The following SLC9A6 variants were observed in gnomAD, a reference collection of about 807,000 sequenced individuals.
SLC9A6 encodes sodium/hydrogen exchanger 6.
Under a neutral mutation model 45.3 loss-of-function variants are expected in SLC9A6, and 6 were observed. The ratio of observed to expected loss-of-function variants is 0.13; its 90% CI spans 0.07 to 0.26. The LOEUF is 0.26. Ranked by LOEUF, SLC9A6 falls within the 10% of genes least tolerant of loss-of-function variation. The probability of loss-of-function intolerance (pLI) is 1.00; values close to 1 mark genes in which losing one functional copy is unlikely to be tolerated. For synonymous variants in SLC9A6, 191 were observed against 187.7 expected (o/e 1.02, Z -0.14); for missense variants, 278 against 503.7 (o/e 0.55, Z 4.29).
In SLC9A6 at chrX:136,002,224, G is replaced by C. The variant is rs1556617460; in HGVS notation, c.743+11G>C. ...CATAGTGCTGTCCTCGTAAGTGTTT[G>C]TTTTCTTATTATATTCTGAATATTA... is the stretch of plus-strand genomic sequence containing the variant. On this transcript the variant is annotated intron_variant, in intron 7 of 17. Coordinates refer to ENST00000630721, the MANE Select transcript of SLC9A6 (RefSeq NM_001379110.1). 9.2e-7 allele frequency: 1 copy of C among 1,089,149 alleles called. No homozygotes were observed. The highest frequency in any genetic ancestry group is 1.8e-5 in the African/African-American group (1 of 55,033). 89.8% of individuals were successfully genotyped at this position (1,089,149 alleles called of 1,213,427 possible).
chrX:136,013,566 C>T lies in SLC9A6; in HGVS notation c.1080+129C>T, dbSNP rs2070964118. The T allele has an allele frequency of 6.6e-6, 3 of 457,994 alleles. No individual in the cohort carries two copies. In the African/African-American group the frequency reaches 7.4e-5, roughly 11 times the overall value. The allele number at this position is 457,994 out of a possible 1,213,427, so 37.7% of individuals were successfully genotyped here. On this transcript the variant is annotated intron_variant, in intron 10 of 17. Coordinates refer to ENST00000630721, the MANE Select transcript of SLC9A6 (RefSeq NM_001379110.1). ...CTATCTACTCATTTTGGCTCCTCTT[C>T]CTTTGACTCTAAAAGTAGGTGGGAT...
chrX:135,989,753 C>T (rs1312909808), intron 2 of SLC9A6, among the ~76,000 whole-genome samples: 1 of 111,875 alleles, frequency 8.9e-6, no homozygotes, highest in African/African-American at 3.2e-5. Context: ...AAACCAGTCA[C>T]TGCCAACTGG....
chrX:136,041,129 A>G (rs1556622543), intron 17 of SLC9A6, among the ~76,000 whole-genome samples: 1 of 111,789 alleles, frequency 8.9e-6, no homozygotes, highest in Admixed American at 9.5e-5. Flanking sequence ...AAAGAAAAAA[A>G]AAAGAAAAAG....
chrX:135,980,949 C>G (rs1299665061), upstream of SLC9A6, among the ~76,000 whole-genome samples: 2 of 111,885 alleles, frequency 1.8e-5, no homozygotes, highest in African/African-American at 6.5e-5. Flanking sequence ...AAATAAATGC[C>G]TAGTTCCTGC....
chrX:136,013,335 T>C lies in SLC9A6; in HGVS notation c.992-14T>C. The C allele has an allele frequency of 8.5e-7, 1 of 1,173,449 alleles. No homozygotes were observed. The highest frequency in any genetic ancestry group is 1.2e-6 in the Non-Finnish European group (1 of 860,885). ...CATCCTTTTATGTGAACTTGGAATTTGTTGTCTTTATAGGTGTAGTTGCAG... is the reference window on the plus strand; with the variant it reads ...CATCCTTTTATGTGAACTTGGAATTCGTTGTCTTTATAGGTGTAGTTGCAG... On this transcript the variant is annotated splice_polypyrimidine_tract_variant and intron_variant, in intron 9 of 17. Coordinates refer to ENST00000630721, the MANE Select transcript of SLC9A6 (RefSeq NM_001379110.1).
intron 2 of SLC9A6, among the ~76,000 whole-genome samples, chrX:135,988,730 C>T (rs1556615296): frequency 3.7e-5 from 4 of 109,317 alleles, no homozygotes; most frequent in Non-Finnish European, 7.6e-5. Flanking sequence ...TTCTGAGTTA[C>T]TGTGACTACA....
At chrX:136,041,522 C>T (rs781905435) in intron 17 of SLC9A6, among the ~76,000 whole-genome samples, 18 of 111,635 alleles carry the variant, frequency 1.6e-4, no homozygotes, top group Non-Finnish European at 2.6e-4. Flanking sequence ...TCCACATTGC[C>T]CAGGCTCGCC....
At position 135,998,140 on chromosome X, in the gene SLC9A6, A is replaced by G; in HGVS notation, c.402A>G (p.Ile134Met). 2.6e-6 allele frequency: 3 copies of G among 1,133,634 alleles called. No homozygotes were observed. Among genetic ancestry groups the G allele is most frequent in the Non-Finnish European group, 3.6e-6 (3 of 824,577 alleles). The allele number at this position is 1,133,634 out of a possible 1,213,427, so 93.4% of individuals were successfully genotyped here. The change falls in exon 4 of 18, where the codon ATA (isoleucine) becomes ATG (methionine). Residue 134 changes from isoleucine to methionine, a missense_variant. This residue lies in a region of SLC9A6 where 118 missense variants were observed against 209.9 expected (regional missense o/e 0.56). Transcript: ENST00000630721. ...TTGATCCAGAAGTATTTTTCAACATATTACTTCCTCCTATCATATTTTATG... is the reference window on the plus strand; with the variant it reads ...TTGATCCAGAAGTATTTTTCAACATGTTACTTCCTCCTATCATATTTTATG... ...VTFDPEVFFN[I>M]LLPPIIFYAG...
intron 17 of SLC9A6, among the ~76,000 whole-genome samples, 178 bp downstream of exon 17, chrX:136,040,359 T>C (rs1556622426): frequency 8.9e-6 from 1 of 112,478 alleles, no homozygotes; most frequent in Non-Finnish European, 1.9e-5. Flanking sequence ...CCTATAAATA[T>C]AATTCACAGC....
Position 136,040,185 on chromosome X carries a change from A to G in SLC9A6, c.1767+4A>G, listed in dbSNP as rs1556622382. The G allele has an allele frequency of 8.5e-7, 1 of 1,179,203 alleles. No homozygotes were observed. The highest frequency in any genetic ancestry group is 2.2e-5 in the Admixed American group (1 of 45,522). ...CACCAGCCCCCAGGCTTACGAAGTA[A>G]GTTGGTTTTATCCAAAACTAAATTC... On this transcript the variant is annotated splice_donor_region_variant and intron_variant, in intron 17 of 17. Coordinates refer to ENST00000630721, the MANE Select transcript of SLC9A6 (RefSeq NM_001379110.1).
At chrX:136,028,525 T>G (rs1182720031) in intron 13 of SLC9A6, among the ~76,000 whole-genome samples, 2 of 112,565 alleles carry the variant, frequency 1.8e-5, no homozygotes, top group Non-Finnish European at 3.7e-5. Context: ...TTGACTTAGC[T>G]TCTAATAATG....
chrX:135,992,822 C>T (rs1556615930), intron 2 of SLC9A6, among the ~76,000 whole-genome samples: 2 of 111,534 alleles, frequency 1.8e-5, no homozygotes, highest in African/African-American at 3.3e-5. Context: ...ACCGAGTTTT[C>T]CTTGACATTA....
At chrX:136,023,599 C>T (rs1370341270) in intron 12 of SLC9A6, among the ~76,000 whole-genome samples, 3 of 109,882 alleles carry the variant, frequency 2.7e-5, no homozygotes, top group Non-Finnish European at 5.7e-5. Context: ...AAGACAAAGT[C>T]GTAGCGATGG....
chrX:136,009,389 AT>A (rs1281278790), intron 7 of SLC9A6, among the ~76,000 whole-genome samples: 8 of 109,316 alleles, frequency 7.3e-5, no homozygotes, highest in African/African-American at 2.3e-4. Context: ...TTGATCTTAG[AT>A]TTTTTTTTTA....
chrX:135,998,539 A>G lies in SLC9A6; in HGVS notation c.505A>G (p.Ile169Val). The change falls in exon 5 of 18, where the codon ATT becomes GTT. Residue 169 changes from isoleucine (I) to valine (V), a missense_variant. Physicochemically the swap from Ile to Val is conservative, Grantham distance 29. This residue lies in a region of SLC9A6 where 118 missense variants were observed against 209.9 expected (regional missense o/e 0.56). Coordinates refer to ENST00000630721, the MANE Select transcript of SLC9A6 (RefSeq NM_001379110.1). ...AGCATACGCTTTTCTTGGAACAGCAATTTCTTGTTTCGTTATTGGGTAAGT... is the reference window on the plus strand; with the variant it reads ...AGCATACGCTTTTCTTGGAACAGCAGTTTCTTGTTTCGTTATTGGGTAAGT... Reference protein sequence around the residue: ...ILAYAFLGTAISCFVIGSIMY... With the variant: ...ILAYAFLGTAVSCFVIGSIMY... 1 of 1,187,765 alleles carries G rather than the reference A, an allele frequency of 8.4e-7. No homozygotes were observed. The highest frequency in any genetic ancestry group is 1.9e-5 in the South Asian group (1 of 53,032).
intron 11 of SLC9A6, among the ~76,000 whole-genome samples, chrX:136,021,134 C>A (rs1314059045): frequency 9.0e-6 from 1 of 110,965 alleles, no homozygotes; most frequent in East Asian, 2.8e-4. Flanking sequence ...ATCTATATAT[C>A]CATATATGTA....
intron 1 of SLC9A6, among the ~76,000 whole-genome samples, chrX:135,979,537 T>C (rs1008386458): frequency 1.8e-5 from 2 of 111,615 alleles, no homozygotes; most frequent in African/African-American, 6.5e-5. Context: ...TGTTTTTCAG[T>C]TATCCAGGTT....
At chrX:136,022,758 C>A in intron 12 of SLC9A6, 61 bp downstream of exon 12, 1 of 617,074 alleles carries the variant, frequency 1.6e-6, no homozygotes, top group Non-Finnish European at 2.7e-6. Context: ...CGTGTGCCAG[C>A]TTGATGTAAC....
At chrX:135,975,981 C>CAAAAAAAAA (rs782541566) in intron 1 of SLC9A6, among the ~76,000 whole-genome samples, 2 of 62,459 alleles carry the variant, frequency 3.2e-5, no homozygotes, top group African/African-American at 1.3e-4. Context: ...TTTCTCTAAC[C>CAAAAAAAAA]AAAAAAAAAA....
Sources: allele counts gnomAD v4.1 joint callset (sites outside exome capture counted in the v4.1 genomes callset), GRCh38; gene constraint gnomAD v4.1.1; regional missense constraint gnomAD v4.1.1; transcripts MANE v1.5; gene names NCBI Gene and HGNC (gene_info 2026-07-23, HGNC 2026-07-21).